Variants in KIF16B observed in about 807,000 individuals in gnomAD.
KIF16B encodes kinesin family member 16B.
A neutral mutation model predicts 156.3 loss-of-function variants in KIF16B; 98 were observed. The observed-to-expected ratio is 0.63, with a 90% confidence interval of 0.53 to 0.74. The LOEUF (loss-of-function observed/expected upper bound fraction) is 0.74. KIF16B is among the 30% of genes least tolerant of loss of function. The pLI, the probability that KIF16B is intolerant of heterozygous loss-of-function variation, is 0.00. For synonymous variants in KIF16B, 564 were observed against 583.7 expected, an observed-to-expected ratio of 0.97 and a Z score of 0.49; for missense variants, 1,421 against 1,606.5, an observed-to-expected ratio of 0.88 and a Z score of 1.97.
chr20:16,410,299 ATGTGTGTGTG>A (rs35361828), intron 15 of KIF16B, among the ~76,000 whole-genome samples: 1 of 141,444 alleles, frequency 7.1e-6, no homozygotes, highest in East Asian at 2.1e-4. Flanking sequence ...CTACATATAT[ATGTGTGTGTG>A]TGTGTGTGTG....
At chr20:16,466,780 A>G (rs759833789) in intron 12 of KIF16B, among the ~76,000 whole-genome samples, 1 of 151,674 alleles carries the variant, frequency 6.6e-6, no homozygotes, top group Non-Finnish European at 1.5e-5. Context: ...ACCAGCAGAA[A>G]GTTCTGCAAG....
chr20:16,482,424 G>A (rs1352354913), intron 12 of KIF16B, among the ~76,000 whole-genome samples: 1 of 152,016 alleles, frequency 6.6e-6, no homozygotes, highest in Non-Finnish European at 1.5e-5. Flanking sequence ...GGTAGGCTGG[G>A]ATGGAAAACA....
At chr20:16,417,188 T>C (rs2066111533) in intron 15 of KIF16B, among the ~76,000 whole-genome samples, 1 of 151,946 alleles carries the variant, frequency 6.6e-6, no homozygotes, top group African/African-American at 2.4e-5. Context: ...CCTCACAGAG[T>C]TGTTTATTAA....
intron 20 of KIF16B, among the ~76,000 whole-genome samples, chr20:16,373,186 C>T (rs1327202282): frequency 2.0e-5 from 3 of 152,000 alleles, no homozygotes; most frequent in Non-Finnish European, 2.9e-5. Flanking sequence ...CCAAATAAAG[C>T]ACAATGTTTC....
chr20:16,510,583 A>T (rs766032520), intron 6 of KIF16B, among the ~76,000 whole-genome samples: 1 of 152,156 alleles, frequency 6.6e-6, no homozygotes, highest in Non-Finnish European at 1.5e-5. Flanking sequence ...CAGGAGACAG[A>T]GGTTGCCATG....
At chr20:16,319,693 G>C (rs552450708) in intron 24 of KIF16B, among the ~76,000 whole-genome samples, 18 of 152,280 alleles carry the variant, frequency 1.2e-4, no homozygotes, top group East Asian at 7.7e-4. Flanking sequence ...AATCTCTGAG[G>C]GGGGCCAGTC....
intron 12 of KIF16B, among the ~76,000 whole-genome samples, chr20:16,438,302 GT>G (rs1448851570): frequency 6.6e-6 from 1 of 152,136 alleles, no homozygotes; most frequent in East Asian, 1.9e-4. Flanking sequence ...GTTACCCAAT[GT>G]CAACTGTGGT....
chr20:16,447,903 T>G lies in KIF16B; in HGVS notation c.1303-17921A>C, dbSNP rs568229427. On this transcript the variant is annotated intron_variant, in intron 12 of 25. Coordinates refer to ENST00000354981, the MANE Select transcript of KIF16B (RefSeq NM_024704.5). Reference sequence around the variant, plus strand: ...AGAGGATCACTTGGGCCCAGAAGCTTGAGTCTAGCCTGGGCAACACAGCAA... The same window carrying G: ...AGAGGATCACTTGGGCCCAGAAGCTGGAGTCTAGCCTGGGCAACACAGCAA... Among the ~76,000 whole-genome samples the G allele has an allele frequency of 2.0e-5, 3 of 152,262 alleles. No homozygotes were observed. The East Asian group carries it at 5.8e-4, about 29-fold the overall frequency.
At chr20:16,553,611 T>A (rs1258551029) in intron 1 of KIF16B, among the ~76,000 whole-genome samples, 1 of 152,244 alleles carries the variant, frequency 6.6e-6, no homozygotes, top group East Asian at 1.9e-4. Flanking sequence ...CACATTGATG[T>A]TCCTTTCTCC....
At chr20:16,457,404 C>T (rs990404452) in intron 12 of KIF16B, among the ~76,000 whole-genome samples, 2 of 152,184 alleles carry the variant, frequency 1.3e-5, no homozygotes, top group Admixed American at 6.5e-5. Flanking sequence ...TGTTTAATAA[C>T]GAACGTTCAA....
intron 12 of KIF16B, among the ~76,000 whole-genome samples, chr20:16,476,418 A>G (rs2067814545): frequency 6.6e-6 from 1 of 152,212 alleles, no homozygotes; most frequent in Non-Finnish European, 1.5e-5. Flanking sequence ...TTTAAATGCA[A>G]ACATATCTTT....
chr20:16,556,093 T>C lies in KIF16B; in HGVS notation c.47+17136A>G, dbSNP rs115914630. On this transcript the variant is annotated intron_variant, in intron 1 of 25. Transcript: ENST00000354981. ...GGCCACTCATTAGACACTGATAACATCAGCCCCCACCTCCCCAGCTCATCT... is the reference window on the plus strand; with the variant it reads ...GGCCACTCATTAGACACTGATAACACCAGCCCCCACCTCCCCAGCTCATCT... 1.1e-3 allele frequency among the ~76,000 whole-genome samples: 163 copies of C among 152,230 alleles called. 1 individual carries two copies. Among genetic ancestry groups the C allele is most frequent in the African/African-American group, 3.7e-3 (153 of 41,524 alleles).
chr20:16,322,771 CATGTAATGGAAAA>C (rs1295318164), intron 24 of KIF16B, among the ~76,000 whole-genome samples: 4 of 151,970 alleles, frequency 2.6e-5, no homozygotes, highest in African/African-American at 9.7e-5. Context: ...ATCAAGAAGA[CATGTAATGGAAAA>C]ATGTAATGGA....
intron 12 of KIF16B, among the ~76,000 whole-genome samples, chr20:16,454,410 ATGT>A (rs1412567613): frequency 6.7e-6 from 1 of 150,224 alleles, no homozygotes; most frequent in Non-Finnish European, 1.5e-5. Context: ...ATATGGATAT[ATGT>A]TAAGGTGCGT....
At chr20:16,366,701 C>T in intron 22 of KIF16B, 1 of 327,826 alleles carries the variant, frequency 3.1e-6, no homozygotes, top group Non-Finnish European at 4.4e-6. Flanking sequence ...ACATAATTAT[C>T]CTAATCACAG....
At chr20:16,552,088 C>A (rs2070689768) in intron 1 of KIF16B, among the ~76,000 whole-genome samples, 1 of 152,194 alleles carries the variant, frequency 6.6e-6, no homozygotes, top group South Asian at 2.1e-4. Flanking sequence ...CACTCTTCCA[C>A]TCTTTTGTGA....
chr20:16,542,883 C>T (rs545919058), intron 1 of KIF16B, among the ~76,000 whole-genome samples: 1 of 152,208 alleles, frequency 6.6e-6, no homozygotes, highest in East Asian at 1.9e-4. Context: ...TTAAAAGGCC[C>T]CTCTGGTTGG....
chr20:16,389,809 C>G (rs757926901), intron 17 of KIF16B, among the ~76,000 whole-genome samples: 1 of 152,142 alleles, frequency 6.6e-6, no homozygotes, highest in Non-Finnish European at 1.5e-5. Flanking sequence ...AAAGAAGAAC[C>G]CAGCCATCCA....
At chr20:16,460,930 A>T (rs1006017108) in intron 12 of KIF16B, among the ~76,000 whole-genome samples, 9 of 152,264 alleles carry the variant, frequency 5.9e-5, no homozygotes, top group Non-Finnish European at 1.2e-4. Context: ...GTTAAAAAAA[A>T]TTTAAAAAAG....
Sources: allele counts gnomAD v4.1 joint callset (sites outside exome capture counted in the v4.1 genomes callset), GRCh38; gene constraint gnomAD v4.1.1; transcripts MANE v1.5; gene names NCBI Gene and HGNC (gene_info 2026-07-23, HGNC 2026-07-21).